CFAP70: variants seen among roughly 807,000 people sequenced by gnomAD.
CFAP70 encodes cilia and flagella associated protein 70, also known as cilia- and flagella-associated protein 70.
CFAP70 carries 81 observed loss-of-function variants against 137.6 expected under a neutral mutation model. That is an observed-to-expected ratio of 0.59 (90% CI 0.49 to 0.71). The LOEUF is 0.71. CFAP70 is among the 30% of genes least tolerant of loss of function. The pLI, the probability that CFAP70 is intolerant of heterozygous loss-of-function variation, is 0.00. For synonymous variants in CFAP70, 382 were observed against 423.6 expected, an observed-to-expected ratio of 0.90 and a Z score of 1.20; for missense variants, 976 against 1,226.7, an observed-to-expected ratio of 0.80 and a Z score of 3.05.
Position 73,272,890 on chromosome 10 carries a change from G to T in CFAP70, c.2925+38C>A. 3 of 1,525,098 alleles carry T rather than the reference G, an allele frequency of 2.0e-6. No homozygotes were observed. In the Admixed American group the frequency reaches 5.9e-5, roughly 30 times the overall value. The allele number at this position is 1,525,098 out of a possible 1,614,324, so 94.5% of individuals were successfully genotyped here. A position where few individuals can be genotyped will look rare whatever the true frequency, so the allele number is the denominator to read the frequency against. ...GAAGGCCAAGGAATCAAGGTCAGCT[G>T]TATCCACAGCCCTAGTCTCAAGCCT... On this transcript the variant is annotated intron_variant, in intron 24 of 26. Coordinates refer to ENST00000310715, the Ensembl canonical transcript of CFAP70.
chr10:73,313,085 G>A (rs753964851), intron 9 of CFAP70, among the ~76,000 whole-genome samples: 2 of 152,148 alleles, frequency 1.3e-5, no homozygotes, highest in African/African-American at 2.4e-5. Context: ...AAAGATCAGC[G>A]AGGTGGGCCG....
intron 4 of CFAP70, chr10:73,345,120 G>A (rs2053599811): frequency 1.9e-6 from 3 of 1,614,016 alleles, no homozygotes; most frequent in African/African-American, 1.3e-5. Context: ...AGGACCTGTT[G>A]GAATGAAGGA....
intron 9 of CFAP70, among the ~76,000 whole-genome samples, chr10:73,317,024 T>C (rs1425018041): frequency 6.6e-6 from 1 of 152,160 alleles, no homozygotes; most frequent in Non-Finnish European, 1.5e-5. Flanking sequence ...TTTACCTTTG[T>C]TGTTTTTGTT....
Position 73,278,350 on chromosome 10 carries a change from C to T in CFAP70, c.2240-13G>A, listed in dbSNP as rs200992165. ...GCAGCTCCTGGTCCTAAATAGATTA[C>T]ATTTTAATGAAAAATAAAACTTCTT... On this transcript the variant is annotated splice_polypyrimidine_tract_variant and intron_variant, in intron 19 of 26. Transcript: ENST00000310715. The T allele has an allele frequency of 1.4e-5, 22 of 1,596,736 alleles. No homozygotes were observed. In the East Asian group the frequency reaches 4.9e-4, roughly 36 times the overall value.
chr10:73,340,223 T>C lies in CFAP70; in HGVS notation c.582+1176A>G, dbSNP rs562634764. ...AGTGTTCAGCTCTCAGCAGACAGGA[T>C]ACCCACAGTGGGTAGCTCCTCTCTA... On this transcript the variant is annotated intron_variant, in intron 6 of 26. Transcript: ENST00000310715. Among the ~76,000 whole-genome samples, 16 of 150,666 alleles carry C rather than the reference T, an allele frequency of 1.1e-4. No homozygotes were observed. The East Asian group carries it at 3.1e-3, about 29-fold the overall frequency.
At chr10:73,283,720 ATATT>A (rs987884080) in intron 19 of CFAP70, among the ~76,000 whole-genome samples, 10 of 151,864 alleles carry the variant, frequency 6.6e-5, no homozygotes, top group Non-Finnish European at 1.3e-4. Flanking sequence ...CTATATCACT[ATATT>A]TGTTTGTGGA....
intron 12 of CFAP70, among the ~76,000 whole-genome samples, chr10:73,309,751 G>A (rs2049746930): frequency 6.6e-6 from 1 of 150,462 alleles, no homozygotes; most frequent in Admixed American, 6.7e-5. Flanking sequence ...CCGCCTCCCA[G>A]GTTCAAGCAA....
intron 9 of CFAP70, among the ~76,000 whole-genome samples, chr10:73,314,416 A>G (rs1351833133): frequency 6.6e-6 from 1 of 152,224 alleles, no homozygotes; most frequent in Non-Finnish European, 1.5e-5. Flanking sequence ...ACTGTATTTC[A>G]TAGATTCAAA....
chr10:73,340,807 G>A (rs1202020517), intron 6 of CFAP70, among the ~76,000 whole-genome samples: 1 of 152,248 alleles, frequency 6.6e-6, no homozygotes, highest in African/African-American at 2.4e-5. Context: ...GGCACCAGGA[G>A]TAGGCAGAGG....
upstream of CFAP70, among the ~76,000 whole-genome samples, chr10:73,361,285 T>A (rs1466590745): frequency 1.3e-5 from 2 of 149,574 alleles, no homozygotes; most frequent in African/African-American, 4.9e-5. Flanking sequence ...TGAACCACCA[T>A]GCCCGGCCTT....
chr10:73,355,716 T>G (rs1260388652), intron 1 of CFAP70, among the ~76,000 whole-genome samples: 1 of 152,160 alleles, frequency 6.6e-6, no homozygotes, highest in East Asian at 1.9e-4. Flanking sequence ...AGGCAGAGGT[T>G]GCAGTGAGCT....
chr10:73,336,815 C>A (rs2052715897), intron 6 of CFAP70, among the ~76,000 whole-genome samples: 1 of 151,786 alleles, frequency 6.6e-6, no homozygotes, highest in South Asian at 2.1e-4. Context: ...TGACCTCGTG[C>A]TCAGCCTGCC....
At chr10:73,323,029 T>A (rs199739845) in exon 9 of CFAP70, 54 of 1,613,822 alleles carry the variant, frequency 3.3e-5, no homozygotes, top group Non-Finnish European at 4.2e-5. Context: ...TCTTCACACC[T>A]GGATACAACA....
intron 9 of CFAP70, among the ~76,000 whole-genome samples, chr10:73,319,218 C>T (rs2050651767): frequency 6.6e-6 from 1 of 152,212 alleles, no homozygotes; most frequent in Non-Finnish European, 1.5e-5. Flanking sequence ...TCAGACCCCA[C>T]TGAGAAACCA....
At chr10:73,283,876 TGAGG>T in intron 19 of CFAP70, among the ~76,000 whole-genome samples, 1 of 152,168 alleles carries the variant, frequency 6.6e-6, no homozygotes, top group Non-Finnish European at 1.5e-5. Context: ...ATATTTGAAA[TGAGG>T]TTCCTGTACA....
chr10:73,358,878 C>T (rs1396350386), upstream of CFAP70: 1 of 152,282 alleles, frequency 6.6e-6, no homozygotes, highest in Non-Finnish European at 1.5e-5. Context: ...TGCGCCCTAG[C>T]GCCGGCTGCA....
intron 19 of CFAP70, among the ~76,000 whole-genome samples, chr10:73,289,678 A>G (rs2048020959): frequency 6.6e-6 from 1 of 152,206 alleles, no homozygotes; most frequent in Admixed American, 6.5e-5. Flanking sequence ...AAGACTTATC[A>G]AGAGAAAAAG....
intron 6 of CFAP70, among the ~76,000 whole-genome samples, chr10:73,336,509 T>G (rs569509421): frequency 6.6e-6 from 1 of 152,270 alleles, no homozygotes; most frequent in African/African-American, 2.4e-5. Context: ...ACAAATTATT[T>G]TATTAAATGT....
chr10:73,311,020 CAT>C lies in CFAP70; in HGVS notation c.1165-773_1165-772del, dbSNP rs1369743337. On this transcript the variant is annotated intron_variant, in intron 11 of 26. Transcript: ENST00000310715. ...TGCAAGAATTCCGACCTGAAACACA[CAT>C]GAGGTCTTATTTCTATGACTTTGAA... Among the ~76,000 whole-genome samples, 7 of 152,202 alleles carry C rather than the reference CAT, an allele frequency of 4.6e-5. No individual in the cohort carries two copies. The East Asian group carries it at 5.8e-4, about 13-fold the overall frequency.
Sources: gnomAD v4.1 joint callset for allele counts (sites outside exome capture counted in the v4.1 genomes callset) on GRCh38, gnomAD v4.1.1 for gene constraint, MANE v1.5 for transcripts, NCBI Gene and HGNC (gene_info 2026-07-23, HGNC 2026-07-21) for gene names.